Variants in CAMK2B observed in about 807,000 individuals in gnomAD.
The protein encoded by CAMK2B is calcium/calmodulin-dependent protein kinase type II subunit beta.
CAMK2B carries 27 observed loss-of-function variants against 93.7 expected under a neutral mutation model. The observed-to-expected ratio is 0.29, with a 90% CI of 0.21 to 0.40. The LOEUF (loss-of-function observed/expected upper bound fraction) is 0.40. CAMK2B is among the 10% of genes least tolerant of loss of function. CAMK2B has a pLI of 1.00. For missense variants in CAMK2B, 568 were observed against 895.8 expected, an observed-to-expected ratio of 0.63 and a Z score of 4.67; for synonymous variants, 374 against 358.8, an observed-to-expected ratio of 1.04 and a Z score of -0.48.
chr7:44,228,878 T>G lies in CAMK2B; in HGVS notation c.1386A>C (p.Gly462=). 6.3e-7 allele frequency: 1 copy of G among 1,588,794 alleles called. No homozygotes were observed. The highest frequency in any genetic ancestry group is 1.1e-5 in the South Asian group (1 of 88,764). Residue 462 remains glycine, a synonymous_variant, in exon 19 of 24, where the codon GGA becomes GGC. Coordinates refer to ENST00000395749, the MANE Select transcript of CAMK2B (RefSeq NM_001220.5). ...AGAGGGGGCCCTCGGCTTCTGGGGT[T>G]CCTGAACCCCTTCTCACAGAGTTCA... ...DILNSVRRGS[G]TPEAEGPLSA...
At chr7:44,229,106 A>C (rs556331685) in intron 18 of CAMK2B, 182 bp from the exon 19 acceptor site, 1 of 685,738 alleles carries the variant, frequency 1.5e-6, no homozygotes, top group South Asian at 1.6e-5. Context: ...AGGTGGAGTG[A>C]GGCCTGCACC....
Position 44,311,670 on chromosome 7 carries a change from C to T in CAMK2B, c.65+13687G>A, listed in dbSNP as rs554789325. 2.0e-5 allele frequency among the ~76,000 whole-genome samples: 3 copies of T among 152,314 alleles called. No homozygotes were observed. Among genetic ancestry groups the T allele is most frequent in the South Asian group, 4.1e-4 (2 of 4,824 alleles). ...CTGCGAGCACCACAGCCTGGCTCTG[C>T]GGTTCTGAGCTGTGTCATCCTTCAC... On this transcript the variant is annotated intron_variant, in intron 1 of 23. Transcript: ENST00000395749. This position sits in a 1 kb window ranked among gnomAD's most constrained non-coding sequence, Gnocchi z 4.2.
chr7:44,298,840 T>C (rs553267419), intron 1 of CAMK2B, among the ~76,000 whole-genome samples: 1 of 152,074 alleles, frequency 6.6e-6, no homozygotes, highest in African/African-American at 2.4e-5. Context: ...CCACTTCACA[T>C]CCATTAAGAT....
intron 2 of CAMK2B, among the ~76,000 whole-genome samples, chr7:44,269,201 C>T (rs773544333): frequency 1.3e-5 from 2 of 152,194 alleles, no homozygotes; most frequent in Non-Finnish European, 2.9e-5. Context: ...GCTGCCAGGG[C>T]TGAAAGGGCA....
intron 1 of CAMK2B, among the ~76,000 whole-genome samples, chr7:44,287,261 C>T (rs1785398739): frequency 6.6e-6 from 1 of 152,124 alleles, no homozygotes; most frequent in Non-Finnish European, 1.5e-5. Flanking sequence ...CCCCAATTTT[C>T]TCCCTCTCCT....
intron 3 of CAMK2B, among the ~76,000 whole-genome samples, chr7:44,261,619 G>C (rs747019750): frequency 2.6e-4 from 40 of 152,160 alleles, no homozygotes; most frequent in African/African-American, 8.9e-4. Flanking sequence ...TGTGTGGGGA[G>C]TCTGGGCCGT....
chr7:44,250,469 T>A (rs1411668348), intron 5 of CAMK2B, among the ~76,000 whole-genome samples: 1 of 151,112 alleles, frequency 6.6e-6, no homozygotes, highest in Admixed American at 6.6e-5. Context: ...GTCCTCCCCC[T>A]CCGCAGACAG....
At chr7:44,278,635 A>G (rs2129081668) in intron 2 of CAMK2B, among the ~76,000 whole-genome samples, 1 of 152,310 alleles carries the variant, frequency 6.6e-6, no homozygotes, top group Middle Eastern at 3.4e-3. Context: ...TGAGTGCAGG[A>G]TTCTGCCTGC....
At chr7:44,292,952 C>T (rs1787263887) in intron 1 of CAMK2B, among the ~76,000 whole-genome samples, 1 of 152,262 alleles carries the variant, frequency 6.6e-6, no homozygotes, top group South Asian at 2.1e-4. Flanking sequence ...CTCCAGCCCA[C>T]AGCAGCAGCC....
At position 44,242,635 on chromosome 7, in the gene CAMK2B, C is replaced by G. The variant is rs763577653; in HGVS notation, c.621G>C (p.Leu207=). The G allele has an allele frequency of 1.9e-6, 3 of 1,611,500 alleles. No homozygotes were observed. The highest frequency in any genetic ancestry group is 1.1e-5 in the South Asian group (1 of 90,792). The change falls in exon 9 of 24, where the codon CTG becomes CTC. Residue 207 remains leucine, a synonymous_variant. Transcript: ENST00000395749. ...IWACGVILYI[L]LVGYPPFWDE... is the part of the protein sequence containing the mutation. ...CCCAGAAGGGTGGGTAGCCCACGAG[C>G]AGGATGTACAGGATCACCCCTGCGG...
intron 2 of CAMK2B, among the ~76,000 whole-genome samples, chr7:44,267,447 T>A (rs1252991919): frequency 6.6e-6 from 1 of 152,190 alleles, no homozygotes. Flanking sequence ...CCCGCTCTGA[T>A]GTGAAGCTTG....
Position 44,262,952 on chromosome 7 carries a change from C to T in CAMK2B, c.220+53G>A, listed in dbSNP as rs1038018496. On this transcript the variant is annotated intron_variant, in intron 3 of 23. Coordinates refer to ENST00000395749, the MANE Select transcript of CAMK2B (RefSeq NM_001220.5). ...CTGATAGAGAAACCGGAATGGGCTG[C>T]TGTCCGGGAGAAGGTGGGGACCCAT... The T allele has an allele frequency of 2.7e-6, 4 of 1,476,486 alleles. No homozygotes were observed. The African/African-American group carries it at 5.6e-5, about 21-fold the overall frequency. 91.5% of individuals were successfully genotyped at this position (1,476,486 alleles called of 1,614,324 possible). A position where few individuals can be genotyped will look rare whatever the true frequency, so the allele number is the denominator to read the frequency against.
intron 5 of CAMK2B, among the ~76,000 whole-genome samples, chr7:44,250,527 C>CTTTTT (rs36056008): frequency 9.3e-5 from 11 of 117,802 alleles, no homozygotes; most frequent in South Asian, 2.9e-4. Context: ...AGTGACATTG[C>CTTTTT]TTTTTTTTTT....
At chr7:44,227,734 A>ACACAGGAGGG (rs1562804839) in intron 19 of CAMK2B, among the ~76,000 whole-genome samples, 1 of 3,548 alleles carries the variant, frequency 2.8e-4, no homozygotes, top group Non-Finnish European at 4.2e-4. Flanking sequence ...ACAGAGGGGT[A>ACACAGGAGGG]TATGGGGGAC....
chr7:44,277,090 G>A (rs913219760), intron 2 of CAMK2B, among the ~76,000 whole-genome samples: 3 of 152,182 alleles, frequency 2.0e-5, no homozygotes, highest in Admixed American at 6.5e-5. Flanking sequence ...TACACAGGGC[G>A]TCCAACAAGG....
At chr7:44,231,462 G>A (rs998792658) in intron 16 of CAMK2B, among the ~76,000 whole-genome samples, 2 of 152,258 alleles carry the variant, frequency 1.3e-5, no homozygotes, top group African/African-American at 2.4e-5. Context: ...CTGGCAGAGA[G>A]ACTGGTATGC....
upstream of CAMK2B, chr7:44,325,649 G>A (rs1192984991): frequency 1.3e-5 from 2 of 149,372 alleles, no homozygotes; most frequent in Non-Finnish European, 2.9e-5. Flanking sequence ...GGGAGGCGCG[G>A]GCGCCGCTGT....
chr7:44,232,375 T>C (rs2096587668), intron 16 of CAMK2B, among the ~76,000 whole-genome samples: 1 of 152,018 alleles, frequency 6.6e-6, no homozygotes, highest in African/African-American at 2.4e-5. Context: ...GCCAATGTGA[T>C]GGGAGCTGAT....
rs2096366202 is a variant in CAMK2B, at chr7:44,219,147, CCTGG to C, written c.*374_*377del. ...AACACCGTTCAGCACGCGACGGGGG[CCTGG>C]CAGACAAGTTCATGTCCCAGCTGGT... On this transcript the variant is annotated 3_prime_UTR_variant, in exon 24 of 24. Transcript: ENST00000395749. 6.6e-6 allele frequency: 1 copy of C among 152,168 alleles called. No homozygotes were observed. The highest frequency in any genetic ancestry group is 2.4e-5 in the African/African-American group (1 of 41,418). 9.4% of individuals were successfully genotyped at this position (152,168 alleles called of 1,614,324 possible). A position where few individuals can be genotyped will look rare whatever the true frequency, so the allele number is the denominator to read the frequency against.
Sources: allele counts gnomAD v4.1 joint callset (sites outside exome capture counted in the v4.1 genomes callset), GRCh38; gene constraint gnomAD v4.1.1; non-coding constraint Gnocchi (gnomAD v3.1); transcripts MANE v1.5; gene names NCBI Gene and HGNC (gene_info 2026-07-23, HGNC 2026-07-21).